Variants in PRIMA1 observed in about 807,000 individuals in gnomAD.
PRIMA1 encodes proline rich membrane anchor 1.
Under a neutral mutation model 17.5 loss-of-function variants are expected in PRIMA1, and 7 were observed. The observed-to-expected ratio is 0.40, with a 90% CI of 0.23 to 0.75. PRIMA1 has a LOEUF of 0.75. PRIMA1 is among the 30% of genes least tolerant of loss of function. The pLI is 0.37. For missense variants in PRIMA1, 200 were observed against 201.8 expected, an observed-to-expected ratio of 0.99 and a Z score of 0.05; for synonymous variants, 97 against 77.9, an observed-to-expected ratio of 1.25 and a Z score of -1.29.
chr14:93,765,158 A>G (rs548078713), intron 3 of PRIMA1, among the ~76,000 whole-genome samples: 1 of 152,176 alleles, frequency 6.6e-6, no homozygotes, highest in East Asian at 1.9e-4. Context: ...TGGAGAAACC[A>G]AAACCGAGAC....
intron 3 of PRIMA1, among the ~76,000 whole-genome samples, chr14:93,772,670 C>T (rs758997403): frequency 1.3e-5 from 2 of 152,244 alleles, no homozygotes; most frequent in East Asian, 1.9e-4. Context: ...AGGGACACTC[C>T]GTTGACACTG....
chr14:93,737,501 CCAACAGAGGCG>C (rs2076157791), intron 3 of PRIMA1, 131 bp from the exon 4 acceptor site: 2 of 1,054,310 alleles, frequency 1.9e-6, no homozygotes, highest in African/African-American at 3.3e-5. Context: ...ATGGGTGACA[CCAACAGAGGCG>C]TGGGGAGGTC....
At chr14:93,756,815 G>A (rs1230122190) in intron 3 of PRIMA1, among the ~76,000 whole-genome samples, 2 of 152,026 alleles carry the variant, frequency 1.3e-5, no homozygotes, top group African/African-American at 4.8e-5. Flanking sequence ...CAGGAACCCG[G>A]GTCTTTCGGA....
intron 3 of PRIMA1, among the ~76,000 whole-genome samples, chr14:93,747,256 G>C (rs908966773): frequency 6.6e-6 from 1 of 152,186 alleles, no homozygotes; most frequent in African/African-American, 2.4e-5. Flanking sequence ...CCAGGAGGAG[G>C]GGAGGTCAAG....
intron 4 of PRIMA1, among the ~76,000 whole-genome samples, chr14:93,733,377 C>G (rs1198736951): frequency 6.6e-6 from 1 of 152,204 alleles, no homozygotes; most frequent in Non-Finnish European, 1.5e-5. Context: ...TGAGACTCTT[C>G]CTCCTGCCAA....
chr14:93,765,052 T>TC (rs1472177818), intron 3 of PRIMA1, among the ~76,000 whole-genome samples: 1 of 151,906 alleles, frequency 6.6e-6, no homozygotes, highest in African/African-American at 2.4e-5. Context: ...TACTGTCCCT[T>TC]CCCCGTTGAG....
intron 3 of PRIMA1, among the ~76,000 whole-genome samples, chr14:93,743,517 G>A (rs1317806343): frequency 6.6e-6 from 1 of 152,234 alleles, no homozygotes; most frequent in African/African-American, 2.4e-5. Context: ...CGCTGACAAT[G>A]CAGTCTAGTG....
chr14:93,757,234 G>A (rs1231116724), intron 3 of PRIMA1, among the ~76,000 whole-genome samples: 1 of 149,056 alleles, frequency 6.7e-6, no homozygotes, highest in South Asian at 2.1e-4. Context: ...AAGGAAAGAA[G>A]GAAGGAAGGA....
At chr14:93,756,567 T>C (rs1196964255) in intron 3 of PRIMA1, among the ~76,000 whole-genome samples, 1 of 152,024 alleles carries the variant, frequency 6.6e-6, no homozygotes, top group African/African-American at 2.4e-5. Flanking sequence ...TCGATGCTCT[T>C]CCCCACAAAT....
intron 4 of PRIMA1, among the ~76,000 whole-genome samples, chr14:93,725,035 C>T (rs865830047): frequency 3.3e-5 from 5 of 152,044 alleles, no homozygotes; most frequent in South Asian, 4.2e-4. Flanking sequence ...TTCGTACTCG[C>T]GGGCCCTGGG....
chr14:93,721,584 G>C, intron 4 of PRIMA1, 38 bp from the exon 5 acceptor site: 2 of 1,253,084 alleles, frequency 1.6e-6, no homozygotes, highest in Non-Finnish European at 1.2e-6. Context: ...GGCAAAGGAG[G>C]GGGAGGCAGG....
rs1697720037 is a variant in PRIMA1, at chr14:93,734,578, C to A, written c.359+2663G>T. 2.1e-5 allele frequency among the ~76,000 whole-genome samples: 3 copies of A among 146,272 alleles called. No individual in the cohort carries two copies. In the South Asian group the frequency reaches 6.4e-4, roughly 31 times the overall value. On this transcript the variant is annotated intron_variant, in intron 4 of 4. Coordinates refer to ENST00000393140, the MANE Select transcript of PRIMA1 (RefSeq NM_178013.4). ...CTGAGTGCCTCACCTGCCCCACTTG[C>A]TCTCTGGGCCTGCCCAAAGCGCTGG...
chr14:93,722,421 A>G (rs571069583), intron 4 of PRIMA1, among the ~76,000 whole-genome samples: 11 of 146,810 alleles, frequency 7.5e-5, no homozygotes, highest in South Asian at 2.2e-4. Flanking sequence ...TAATGGGGTG[A>G]TGGAGGTAGC....
At chr14:93,773,525 G>A (rs950301783) in intron 3 of PRIMA1, among the ~76,000 whole-genome samples, 1 of 152,216 alleles carries the variant, frequency 6.6e-6, no homozygotes, top group Non-Finnish European at 1.5e-5. Flanking sequence ...AGGCGCTTCC[G>A]ATACAAGCTC....
intron 3 of PRIMA1, among the ~76,000 whole-genome samples, chr14:93,768,841 T>C (rs549300163): frequency 5.4e-5 from 8 of 147,472 alleles, no homozygotes; most frequent in Non-Finnish European, 1.2e-4. Context: ...AGTCTCACTC[T>C]GTCGCCCAGG....
chr14:93,774,971 A>G (rs576718257), intron 3 of PRIMA1, among the ~76,000 whole-genome samples: 14 of 152,362 alleles, frequency 9.2e-5, no homozygotes, highest in Admixed American at 8.5e-4. Flanking sequence ...GCACGCCAAC[A>G]TAGGCTAAAG....
At chr14:93,722,468 G>A (rs2076045898) in intron 4 of PRIMA1, among the ~76,000 whole-genome samples, 2 of 152,090 alleles carry the variant, frequency 1.3e-5, no homozygotes, top group African/African-American at 4.8e-5. Context: ...TGCTAATGAT[G>A]GTGGTGATGA....
chr14:93,779,226 A>C lies in PRIMA1; in HGVS notation c.179T>G (p.Leu60Arg). The stretch of plus-strand genomic sequence containing the variant: ...TGGCGGGGGTGGGGGCGGCGGGGGC[A>C]GCGGGGGAGGGGGCCGGCACTGGCA... ...HVCQCRPPPP[L>R]PPPPPPPPPP... Residue 60 changes from leucine (L) to arginine (R), a missense_variant, in exon 3 of 5, where the codon CTG becomes CGG. Leu to Arg is a moderately radical substitution (Grantham distance 102). Coordinates refer to ENST00000393140, the MANE Select transcript of PRIMA1 (RefSeq NM_178013.4). 5 of 281,862 alleles carry C rather than the reference A, an allele frequency of 1.8e-5. No homozygotes were observed. Among genetic ancestry groups the C allele is most frequent in the Non-Finnish European group, 2.0e-5 (4 of 197,016 alleles). The allele number at this position is 281,862 out of a possible 1,614,324, so 17.5% of individuals were successfully genotyped here. A position where few individuals can be genotyped will look rare whatever the true frequency, so the allele number is the denominator to read the frequency against.
At chr14:93,773,630 G>A (rs553001813) in intron 3 of PRIMA1, among the ~76,000 whole-genome samples, 1 of 152,326 alleles carries the variant, frequency 6.6e-6, no homozygotes, top group Non-Finnish European at 1.5e-5. Context: ...GATGCTGCTT[G>A]AGAACCTTCC....
Sources: gnomAD v4.1 joint callset for allele counts (sites outside exome capture counted in the v4.1 genomes callset) on GRCh38, gnomAD v4.1.1 for gene constraint, MANE v1.5 for transcripts, NCBI Gene and HGNC (gene_info 2026-07-23, HGNC 2026-07-21) for gene names.